DDB1: variants seen among roughly 807,000 people sequenced by gnomAD.
DDB1 encodes damage specific DNA binding protein 1.
DDB1 carries 18 observed loss-of-function variants against 133.1 expected under a neutral mutation model. The ratio of observed to expected loss-of-function variants is 0.14; its 90% CI spans 0.09 to 0.20. The LOEUF (loss-of-function observed/expected upper bound fraction) is 0.20, where lower values mean the gene tolerates loss of function less well. DDB1 is among the 10% of genes least tolerant of loss of function. DDB1 has a pLI of 1.00. For synonymous variants in DDB1, 580 were observed against 550.5 expected, an observed-to-expected ratio of 1.05 and a Z score of -0.75; for missense variants, 828 against 1,459.2, an observed-to-expected ratio of 0.57 and a Z score of 7.05.
chr11:61,333,081 C>T lies in DDB1; in HGVS notation c.-113G>A. ...GCAGCGAACTCCACTGCCGCTGCCT[C>T]CGCCCCAGAGACACGTTGCAGGCCA... On this transcript the variant is annotated 5_prime_UTR_variant, in exon 1 of 27. Coordinates refer to ENST00000301764, the MANE Select transcript of DDB1 (RefSeq NM_001923.5). 1 of 1,023,644 alleles carries T rather than the reference C, an allele frequency of 9.8e-7. No individual in the cohort carries two copies. Among genetic ancestry groups the T allele is most frequent in the Admixed American group, 3.4e-5 (1 of 29,756 alleles). The allele number at this position is 1,023,644 out of a possible 1,614,324, so 63.4% of individuals were successfully genotyped here. A position where few individuals can be genotyped will look rare whatever the true frequency, so the allele number is the denominator to read the frequency against.
At chr11:61,309,741 G>T in intron 20 of DDB1, 55 bp downstream of exon 20, 1 of 1,578,210 alleles carries the variant, frequency 6.3e-7, no homozygotes, top group Non-Finnish European at 8.6e-7. Flanking sequence ...ACAATGGCCT[G>T]CTGACTTTCT....
Position 61,330,082 on chromosome 11 carries a change from C to T in DDB1, c.211-8G>A, listed in dbSNP as rs1261522171. ...CAGGTCCTTGCTCTCCCCCTGGAAA[C>T]CAATATTATGCTATCAAAAGAGGTT... On this transcript the variant is annotated splice_region_variant and splice_polypyrimidine_tract_variant and intron_variant, in intron 2 of 26. Transcript: ENST00000301764. The T allele has an allele frequency of 6.2e-7, 1 of 1,607,994 alleles. No individual in the cohort carries two copies. The highest frequency in any genetic ancestry group is 1.7e-5 in the Admixed American group (1 of 59,842).
chr11:61,322,487 C>A, intron 8 of DDB1, 75 bp from the exon 9 acceptor site: 1 of 1,102,632 alleles, frequency 9.1e-7, no homozygotes, highest in Non-Finnish European at 1.4e-6. Flanking sequence ...GGTTATTGTC[C>A]AAAAGAAACT....
In DDB1 at chr11:61,312,014, T is replaced by C; in HGVS notation, c.2140A>G (p.Thr714Ala). 3.7e-6 allele frequency: 6 copies of C among 1,614,214 alleles called. No individual in the cohort carries two copies. Among genetic ancestry groups the C allele is most frequent in the Non-Finnish European group, 5.1e-6 (6 of 1,180,034 alleles). Residue 714 changes from threonine to alanine, a missense_variant, in exon 17 of 27, where the codon ACA becomes GCA. Thr to Ala is a moderately conservative substitution (Grantham distance 58). Coordinates refer to ENST00000301764, the MANE Select transcript of DDB1 (RefSeq NM_001923.5). ...CTTGGAGACTCATAGAGGGGAACTGTGCGAATGTGCAGCTTCTGGATCTCA... is the reference window on the plus strand; with the variant it reads ...CTTGGAGACTCATAGAGGGGAACTGCGCGAATGTGCAGCTTCTGGATCTCA... Reference protein sequence around the residue: ...IDEIQKLHIRTVPLYESPRKI... With the variant: ...IDEIQKLHIRAVPLYESPRKI...
rs1176956131 is a variant in DDB1 at position 61,325,550 on chromosome 11, G to C, written c.762+61C>G. ...CCTTTTGATAAATAAGAGAAAGGGA[G>C]GAGCAAGGTGAGGACAAGGAAAGAA... On this transcript the variant is annotated intron_variant, in intron 6 of 26. Transcript: ENST00000301764. The C allele has an allele frequency of 8.0e-6, 11 of 1,373,160 alleles. No homozygotes were observed. The East Asian group carries it at 2.5e-4, about 32-fold the overall frequency. The allele number at this position is 1,373,160 out of a possible 1,614,324, so 85.1% of individuals were successfully genotyped here.
chr11:61,324,177 C>G, intron 6 of DDB1, 40 bp from the exon 7 acceptor site: 7 of 1,612,206 alleles, frequency 4.3e-6, no homozygotes, highest in Non-Finnish European at 5.1e-6. Flanking sequence ...GATTCAGCAT[C>G]TTCTACACCA....
intron 23 of DDB1, 64 bp from the exon 24 acceptor site, chr11:61,302,815 A>G: frequency 6.2e-7 from 1 of 1,600,016 alleles, no homozygotes; most frequent in Non-Finnish European, 8.5e-7. Flanking sequence ...CTGAGACAGG[A>G]CCACGTGCAG....
intron 19 of DDB1, 126 bp from the exon 20 acceptor site, chr11:61,310,086 C>A: frequency 1.4e-6 from 2 of 1,415,752 alleles, no homozygotes; most frequent in Non-Finnish European, 2.0e-6. Context: ...GTCCCTGTCT[C>A]ATCAGATTAT....
intron 12 of DDB1, chr11:61,315,694 TC>T: frequency 6.6e-6 from 1 of 152,658 alleles, no homozygotes; most frequent in Admixed American, 6.5e-5. Flanking sequence ...ACTCCAAACT[TC>T]AAAAAATTGC....
chr11:61,309,693 ACTT>A (rs1474842420), intron 20 of DDB1, 100 bp downstream of exon 20: 5 of 1,291,622 alleles, frequency 3.9e-6, no homozygotes, highest in African/African-American at 3.0e-5. Context: ...AATGAACCCA[ACTT>A]CTTCTACTGC....
Position 61,329,514 on chromosome 11 carries a change from A to T in DDB1, c.398T>A (p.Leu133Gln), listed in dbSNP as rs1312810571. The T allele has an allele frequency of 6.2e-7, 1 of 1,614,208 alleles. No homozygotes were observed. ...CTTGAAAAGGCCATCATAGAGACGC[A>T]GGCCAATCATCCGGCACTCAGGGTC... is the stretch of plus-strand genomic sequence containing the variant. ...IIDPECRMIG[L>Q]RLYDGLFKVI... The change falls in exon 4 of 27, where the codon CTG (leucine) becomes CAG (glutamine). Residue 133 changes from leucine to glutamine, a missense_variant. Transcript: ENST00000301764.
chr11:61,313,463 C>T, intron 16 of DDB1, 36 bp downstream of exon 16: 1 of 1,584,858 alleles, frequency 6.3e-7, no homozygotes, highest in Non-Finnish European at 8.7e-7. Context: ...CCCCCTCAAT[C>T]AATAGCTCTC....
At chr11:61,310,549 A>C in intron 18 of DDB1, 131 bp from the exon 19 acceptor site, 4 of 1,081,590 alleles carry the variant, frequency 3.7e-6, no homozygotes, top group Non-Finnish European at 5.1e-6. Flanking sequence ...CTGGCAGCTC[A>C]AGGAGCCTGA....
chr11:61,314,785 A>T, intron 12 of DDB1: 1 of 210,656 alleles, frequency 4.7e-6, no homozygotes, highest in Admixed American at 5.6e-5. Context: ...GTGGGAAGAT[A>T]TGAATAGAGT....
At chr11:61,306,367 T>G (rs1855883520) in intron 21 of DDB1, among the ~76,000 whole-genome samples, 1 of 152,152 alleles carries the variant, frequency 6.6e-6, no homozygotes, top group African/African-American at 2.4e-5. Flanking sequence ...GTCTGCTCTT[T>G]CAGACTTGTC....
At chr11:61,307,870 C>A (rs1181030710) in intron 21 of DDB1, among the ~76,000 whole-genome samples, 3 of 152,246 alleles carry the variant, frequency 2.0e-5, no homozygotes, top group Admixed American at 1.3e-4. Context: ...CACCAAAGTC[C>A]TTCAATCCTA....
intron 21 of DDB1, among the ~76,000 whole-genome samples, chr11:61,304,239 A>T (rs1043670497): frequency 6.6e-6 from 1 of 152,224 alleles, no homozygotes; most frequent in Non-Finnish European, 1.5e-5. Context: ...AACACACCAA[A>T]CCAGGAATAC....
chr11:61,322,611 G>T, intron 8 of DDB1, 199 bp from the exon 9 acceptor site: 1 of 580,220 alleles, frequency 1.7e-6, no homozygotes, highest in Admixed American at 3.0e-5. Context: ...ATCAGCCAAG[G>T]ATTGCTGACC....
Position 61,299,950 on chromosome 11 carries a change from C to T in DDB1, c.*186G>A. On this transcript the variant is annotated 3_prime_UTR_variant, in exon 27 of 27. Transcript: ENST00000301764. ...GTAAAAATCCAGGGAGAAAATGTTT[C>T]ACCTTCAGCTCATTCCCAAGTCTCT... is the stretch of plus-strand genomic sequence containing the variant. 1 of 603,922 alleles carries T rather than the reference C, an allele frequency of 1.7e-6. No homozygotes were observed. The highest frequency in any genetic ancestry group is 1.8e-5 in the African/African-American group (1 of 54,110). 37.4% of individuals were successfully genotyped at this position (603,922 alleles called of 1,614,324 possible). A position where few individuals can be genotyped will look rare whatever the true frequency, so the allele number is the denominator to read the frequency against.
Sources: gnomAD v4.1 joint callset for allele counts (sites outside exome capture counted in the v4.1 genomes callset) on GRCh38, gnomAD v4.1.1 for gene constraint, MANE v1.5 for transcripts, NCBI Gene and HGNC (gene_info 2026-07-23, HGNC 2026-07-21) for gene names.